Variants in KDM3B observed in about 807,000 individuals in gnomAD.
KDM3B encodes the protein lysine demethylase 3B, also known as lysine-specific demethylase 3B.
KDM3B carries 10 observed loss-of-function variants against 170.0 expected under a neutral mutation model. The ratio of observed to expected loss-of-function variants is 0.06; its 90% confidence interval spans 0.04 to 0.10. KDM3B has a LOEUF of 0.10. Ranked by LOEUF, KDM3B falls within the 10% of genes least tolerant of loss-of-function variation. KDM3B has a pLI of 1.00. For missense variants in KDM3B, 1,394 were observed against 2,195.2 expected (o/e 0.64, Z 7.29); for synonymous variants, 831 against 834.8 (o/e 1.00, Z 0.08).
chr5:138,375,152 T>G lies in KDM3B; in HGVS notation c.420T>G (p.Leu140=). ...GLGSVVPVEY[L]LDRELRFLSD... ...GTTCTGTGGTTCCAGTGGAATATCT[T>G]CTGGATCGAGAGCTTCGGTTCCTGT... Residue 140 remains leucine, a synonymous_variant, in exon 3 of 24, where the codon CTT becomes CTG. Coordinates refer to ENST00000314358, the MANE Select transcript of KDM3B (RefSeq NM_016604.4). 5 of 1,613,962 alleles carry G rather than the reference T, an allele frequency of 3.1e-6. No homozygotes were observed. In the East Asian group the frequency reaches 1.1e-4, roughly 36 times the overall value.
intron 3 of KDM3B, among the ~76,000 whole-genome samples, chr5:138,376,248 G>T (rs1424930603): frequency 6.6e-6 from 1 of 152,122 alleles, no homozygotes. Context: ...AAAGTGCTGG[G>T]ATTACAGGCG....
chr5:138,397,026 C>T (rs1478921951), intron 9 of KDM3B, among the ~76,000 whole-genome samples: 1 of 151,990 alleles, frequency 6.6e-6, no homozygotes, highest in Non-Finnish European at 1.5e-5. Context: ...TCTCTACAAA[C>T]AGTTTTAAAA....
At chr5:138,356,912 G>A (rs1423932231) in intron 1 of KDM3B, among the ~76,000 whole-genome samples, 1 of 152,062 alleles carries the variant, frequency 6.6e-6, no homozygotes, top group African/African-American at 2.4e-5. Context: ...CCAAAGTGCT[G>A]GGATTACAGG....
intron 15 of KDM3B, among the ~76,000 whole-genome samples, chr5:138,422,218 T>G (rs1763290127): frequency 6.6e-6 from 1 of 152,226 alleles, no homozygotes; most frequent in Non-Finnish European, 1.5e-5. Context: ...GATTTTCTGT[T>G]TCTTGCCTCT....
chr5:138,386,306 C>G lies in KDM3B; in HGVS notation c.1065C>G (p.Arg355=), dbSNP rs1336030889. 6.2e-7 allele frequency: 1 copy of G among 1,614,216 alleles called. No individual in the cohort carries two copies. The highest frequency in any genetic ancestry group is 8.5e-7 in the Non-Finnish European group (1 of 1,180,052). Residue 355 remains arginine (R), a synonymous_variant, in exon 7 of 24, where the codon CGC becomes CGG. Transcript: ENST00000314358. ...TFVPQINRNI[R]FATYTKENGR... ...TCCCCCAGATAAACCGCAACATTCG[C>G]TTTGCCACTTACACCAAAGAAAACG...
At chr5:138,427,352 G>A (rs1472758100) in intron 19 of KDM3B, 33 bp downstream of exon 19, 1 of 1,591,784 alleles carries the variant, frequency 6.3e-7, no homozygotes, top group Middle Eastern at 1.7e-4. Context: ...GCTCTTTTGG[G>A]GGACTGTTGT....
intron 20 of KDM3B, 130 bp downstream of exon 20, chr5:138,428,216 TGGG>T (rs60807705): frequency 1.1e-6 from 1 of 930,226 alleles, no homozygotes; most frequent in African/African-American, 1.7e-5. Context: ...TTTTTTTTTT[TGGG>T]GGGCGGGGAG....
chr5:138,416,314 G>T (rs942572481), intron 12 of KDM3B, among the ~76,000 whole-genome samples: 1 of 152,080 alleles, frequency 6.6e-6, no homozygotes, highest in Non-Finnish European at 1.5e-5. Flanking sequence ...CACAGGCCAG[G>T]CATGGTGGCT....
chr5:138,407,384 C>A (rs571630595), intron 11 of KDM3B, among the ~76,000 whole-genome samples: 1 of 152,250 alleles, frequency 6.6e-6, no homozygotes, highest in South Asian at 2.1e-4. Flanking sequence ...ACCTAAATAA[C>A]TTTACATTAA....
At position 138,392,155 on chromosome 5, in the gene KDM3B, G is replaced by A. The variant is rs908236816; in HGVS notation, c.2523G>A (p.Leu841=). Residue 841 remains leucine, a synonymous_variant, in exon 8 of 24, where the codon CTG becomes CTA. Coordinates refer to ENST00000314358, the MANE Select transcript of KDM3B (RefSeq NM_016604.4). ...KTGLKGIPEH[L]MGKLGPNGER... ...GCCTGAAGGGAATTCCAGAGCACCTGATGGGGAAGCTGGGCCCCAATGGGG... is the reference window on the plus strand; with the variant it reads ...GCCTGAAGGGAATTCCAGAGCACCTAATGGGGAAGCTGGGCCCCAATGGGG... 6.3e-7 allele frequency: 1 copy of A among 1,580,978 alleles called. No homozygotes were observed. The highest frequency in any genetic ancestry group is 1.3e-5 in the African/African-American group (1 of 74,170).
chr5:138,433,493 C>T (rs1306869492), intron 23 of KDM3B, among the ~76,000 whole-genome samples: 2 of 150,308 alleles, frequency 1.3e-5, no homozygotes, highest in Non-Finnish European at 1.5e-5. Context: ...CTGCATCCTT[C>T]GTCTCCTGGG....
At chr5:138,366,727 G>A (rs994775197) in intron 1 of KDM3B, among the ~76,000 whole-genome samples, 2 of 152,178 alleles carry the variant, frequency 1.3e-5, no homozygotes, top group Admixed American at 6.5e-5. Flanking sequence ...ACTCAGATAG[G>A]TCTAGGGAGG....
chr5:138,390,288 T>C (rs867657858), intron 7 of KDM3B, among the ~76,000 whole-genome samples: 1 of 152,206 alleles, frequency 6.6e-6, no homozygotes, highest in Non-Finnish European at 1.5e-5. Flanking sequence ...TGTCAGTATA[T>C]ACATTTATCC....
chr5:138,359,719 G>T (rs1761550475), intron 1 of KDM3B, among the ~76,000 whole-genome samples: 1 of 152,000 alleles, frequency 6.6e-6, no homozygotes, highest in Non-Finnish European at 1.5e-5. Context: ...TCTTTCTGTA[G>T]GTGTAATTAA....
At chr5:138,379,527 C>T (rs1043387327) in intron 4 of KDM3B, 57 bp from the exon 5 acceptor site, 26 of 1,518,028 alleles carry the variant, frequency 1.7e-5, no homozygotes, top group Admixed American at 1.7e-4. Flanking sequence ...CTTTTAGGAA[C>T]AATTATGAAA....
intron 1 of KDM3B, among the ~76,000 whole-genome samples, chr5:138,365,078 T>C (rs1348748947): frequency 6.6e-6 from 1 of 152,222 alleles, no homozygotes; most frequent in East Asian, 1.9e-4. Flanking sequence ...CCCACAGTTG[T>C]GTAACATTAT....
chr5:138,355,688 G>T (rs760382679), intron 1 of KDM3B, among the ~76,000 whole-genome samples: 5 of 152,000 alleles, frequency 3.3e-5, no homozygotes, highest in Non-Finnish European at 7.4e-5. Flanking sequence ...TCCTAATCTG[G>T]TGTCCTCTTT....
rs767158831 is a variant in KDM3B at position 138,419,668 on chromosome 5, AATAT to A, written c.3715+454_3715+457del. Among the ~76,000 whole-genome samples, 9 of 109,228 alleles carry A rather than the reference AATAT, an allele frequency of 8.2e-5. 1 individual carries two copies. Among genetic ancestry groups the A allele is most frequent in the African/African-American group, 3.0e-4 (8 of 27,058 alleles). The allele number at this position is 109,228 out of a possible 152,430, so 71.7% of individuals were successfully genotyped here. A position where few individuals can be genotyped will look rare whatever the true frequency, so the allele number is the denominator to read the frequency against. On this transcript the variant is annotated intron_variant, in intron 14 of 23. Coordinates refer to ENST00000314358, the MANE Select transcript of KDM3B (RefSeq NM_016604.4). ...ACTCTGTCTCAAAAAAAAAAAAAAAAATATATATATATATATATATACATATATA... is the reference window on the plus strand; with the variant it reads ...ACTCTGTCTCAAAAAAAAAAAAAAAAATATATATATATATATACATATATA...
chr5:138,410,019 A>G lies in KDM3B; in HGVS notation c.3200-5113A>G, dbSNP rs189097960. Among the ~76,000 whole-genome samples, 382 of 152,256 alleles carry G rather than the reference A, an allele frequency of 2.5e-3. 2 individuals carry two copies. The highest frequency in any genetic ancestry group is 8.3e-3 in the African/African-American group (346 of 41,556). ...GGAGAATTGCTTGAACCTGGGAGGC[A>G]GAGGTTGCAGTGAGCTGAGATCGTG... On this transcript the variant is annotated intron_variant, in intron 11 of 23. Coordinates refer to ENST00000314358, the MANE Select transcript of KDM3B (RefSeq NM_016604.4).
Sources: allele counts gnomAD v4.1 joint callset (sites outside exome capture counted in the v4.1 genomes callset), GRCh38; gene constraint gnomAD v4.1.1; transcripts MANE v1.5; gene names NCBI Gene and HGNC (gene_info 2026-07-23, HGNC 2026-07-21).